Variants in SGCD observed in about 807,000 individuals in gnomAD.
The protein encoded by SGCD is sarcoglycan delta.
Under a neutral mutation model 36.6 loss-of-function variants are expected in SGCD, and 18 were observed. That is an observed-to-expected ratio of 0.49 (90% CI 0.34 to 0.73). SGCD has a LOEUF of 0.73. Among genes scored for constraint, SGCD ranks in the 30% least tolerant of loss-of-function variants. The pLI is 0.01. For synonymous variants in SGCD, 133 were observed against 130.6 expected, an observed-to-expected ratio of 1.02 and a Z score of -0.12; for missense variants, 387 against 346.7, an observed-to-expected ratio of 1.12 and a Z score of -0.92.
In SGCD at chr5:156,016,220, A is replaced by T. The variant is rs181825637; in HGVS notation, c.-281-101658A>T. Among the ~76,000 whole-genome samples the T allele has an allele frequency of 1.8e-3, 270 of 152,268 alleles. 2 individuals carry two copies. Among genetic ancestry groups the T allele is most frequent in the African/African-American group, 6.2e-3 (259 of 41,560 alleles). ...CAAAAGCAAAACAAGCCTTCTTTTA[A>T]AAAGTTCAAGATTTCATTTCAATTT... is the stretch of plus-strand genomic sequence containing the variant. On this transcript the variant is annotated intron_variant, in intron 1 of 9. Transcript: ENST00000517913.
Position 156,766,391 on chromosome 5 carries a change from T to A in SGCD, c.*7001T>A, listed in dbSNP as rs1267474055. 1 of 151,816 alleles carries A rather than the reference T, an allele frequency of 6.6e-6. No individual in the cohort carries two copies. The highest frequency in any genetic ancestry group is 2.4e-5 in the African/African-American group (1 of 41,256). The allele number at this position is 151,816 out of a possible 1,614,324, so 9.4% of individuals were successfully genotyped here. A position where few individuals can be genotyped will look rare whatever the true frequency, so the allele number is the denominator to read the frequency against. ...TGAGCTGACCACTCTGGTCCTGTAA[T>A]GTCTTTGGCCTCACACCTTGGCAGC... On this transcript the variant is annotated 3_prime_UTR_variant, in exon 9 of 9. Coordinates refer to ENST00000337851, the MANE Select transcript of SGCD (RefSeq NM_000337.6).
chr5:156,098,836 C>G (rs542417425), intron 1 of SGCD, among the ~76,000 whole-genome samples: 1 of 152,336 alleles, frequency 6.6e-6, no homozygotes, highest in South Asian at 2.1e-4. Flanking sequence ...CTTACTGTAG[C>G]TGAGTCTCTC....
chr5:156,001,629 A>G (rs1402045530), intron 1 of SGCD, among the ~76,000 whole-genome samples: 11 of 152,254 alleles, frequency 7.2e-5, no homozygotes, highest in Admixed American at 7.2e-4. Flanking sequence ...GTTACTGAAC[A>G]TCTAATTTGC....
intron 7 of SGCD, among the ~76,000 whole-genome samples, chr5:156,734,874 A>G (rs1031109158): frequency 1.3e-5 from 2 of 152,168 alleles, no homozygotes; most frequent in Non-Finnish European, 1.5e-5. Flanking sequence ...TGTCATTTCA[A>G]ACCCTTGCTG....
intron 3 of SGCD, among the ~76,000 whole-genome samples, chr5:156,160,302 C>CT (rs1763059523): frequency 6.6e-6 from 1 of 151,500 alleles, no homozygotes; most frequent in Non-Finnish European, 1.5e-5. Flanking sequence ...CAGCATCAGT[C>CT]TTATATATAC....
At chr5:155,811,169 A>G in the SGCD span, among the ~76,000 whole-genome samples, 2 of 152,108 alleles carry the variant, frequency 1.3e-5, no homozygotes, top group African/African-American at 2.4e-5. Context: ...TGCAGGTCCC[A>G]AGGAACTACC....
In SGCD at chr5:156,548,050, A is replaced by G. The variant is rs958911336; in HGVS notation, c.294+39348A>G. Among the ~76,000 whole-genome samples, 5 of 152,218 alleles carry G rather than the reference A, an allele frequency of 3.3e-5. No individual in the cohort carries two copies. In the South Asian group the frequency reaches 8.3e-4, roughly 25 times the overall value. On this transcript the variant is annotated intron_variant, in intron 4 of 8. Coordinates refer to ENST00000337851, the MANE Select transcript of SGCD (RefSeq NM_000337.6). ...GTTCCCTGCAGTATTATAAGATGCT[A>G]TCAGCATCAGCTGTTTCTAACTGCT...
intron 3 of SGCD, among the ~76,000 whole-genome samples, chr5:156,470,966 CT>C (rs546954725): frequency 1.3e-5 from 2 of 151,158 alleles, no homozygotes; most frequent in African/African-American, 4.8e-5. Flanking sequence ...CCTAAGCCTT[CT>C]TTTTTTTTGA....
intron 3 of SGCD, among the ~76,000 whole-genome samples, chr5:156,294,897 A>G (rs1410777077): frequency 6.6e-6 from 1 of 152,142 alleles, no homozygotes; most frequent in Admixed American, 6.6e-5. Flanking sequence ...TATTTTGTTG[A>G]TAATTTTTGC....
chr5:156,217,824 TAC>T (rs977238004), intron 3 of SGCD, among the ~76,000 whole-genome samples: 9 of 151,770 alleles, frequency 5.9e-5, no homozygotes, highest in African/African-American at 1.2e-4. Flanking sequence ...TATATATATA[TAC>T]ACACACACAC....
intron 3 of SGCD, among the ~76,000 whole-genome samples, chr5:156,232,138 A>G (rs1397532500): frequency 6.6e-6 from 1 of 152,232 alleles, no homozygotes; most frequent in Non-Finnish European, 1.5e-5. Context: ...TACCTTTAAC[A>G]TAGTTGGATA....
intron 3 of SGCD, among the ~76,000 whole-genome samples, chr5:156,295,819 G>T (rs1229107777): frequency 6.6e-6 from 1 of 152,152 alleles, no homozygotes; most frequent in Non-Finnish European, 1.5e-5. Flanking sequence ...CTCTAAGAGA[G>T]GCCTGATGAG....
At chr5:156,565,187 T>G (rs1759427346) in intron 4 of SGCD, among the ~76,000 whole-genome samples, 1 of 152,354 alleles carries the variant, frequency 6.6e-6, no homozygotes, top group Non-Finnish European at 1.5e-5. Context: ...TTCATTTGTC[T>G]TAATCATTTT....
At chr5:155,840,243 C>CTT in the SGCD span, among the ~76,000 whole-genome samples, 1 of 142,150 alleles carries the variant, frequency 7.0e-6, no homozygotes, top group Non-Finnish European at 1.5e-5. Flanking sequence ...TTTGTTTTGC[C>CTT]TTTTTTTTTT....
At chr5:156,348,398 A>G (rs1389237790) in intron 3 of SGCD, among the ~76,000 whole-genome samples, 2 of 152,204 alleles carry the variant, frequency 1.3e-5, no homozygotes, top group East Asian at 1.9e-4. Context: ...GATAAACTAA[A>G]TTCAGTAAAG....
chr5:156,545,569 G>A (rs982481327), intron 4 of SGCD, among the ~76,000 whole-genome samples: 6 of 152,052 alleles, frequency 3.9e-5, no homozygotes, highest in South Asian at 4.1e-4. Flanking sequence ...AGGAGCGCCC[G>A]ACCTAGATCC....
At chr5:156,117,390 A>G (rs557931225) in intron 1 of SGCD, among the ~76,000 whole-genome samples, 1 of 152,190 alleles carries the variant, frequency 6.6e-6, no homozygotes, top group African/African-American at 2.4e-5. Flanking sequence ...TCTAATACCC[A>G]TTGAACTTCA....
intron 3 of SGCD, among the ~76,000 whole-genome samples, chr5:156,175,255 T>TAC (rs1763437336): frequency 6.6e-6 from 1 of 152,174 alleles, no homozygotes; most frequent in African/African-American, 2.4e-5. Flanking sequence ...ATTTTCCTAA[T>TAC]ACATAAGTAC....
intron 1 of SGCD, among the ~76,000 whole-genome samples, chr5:156,043,922 CA>C (rs1472679526): frequency 6.8e-6 from 1 of 147,622 alleles, no homozygotes; most frequent in East Asian, 1.9e-4. Flanking sequence ...CAATGTCTTC[CA>C]AGGGTAAAAC....
Sources: allele counts gnomAD v4.1 joint callset (sites outside exome capture counted in the v4.1 genomes callset), GRCh38; gene constraint gnomAD v4.1.1; transcripts MANE v1.5; gene names NCBI Gene and HGNC (gene_info 2026-07-23, HGNC 2026-07-21).